The following MANBA variants were observed in gnomAD, a reference collection of about 807,000 sequenced individuals.
MANBA encodes the protein mannosidase beta.
Under a neutral mutation model 111.1 loss-of-function variants are expected in MANBA, and 83 were observed. That is an observed-to-expected ratio of 0.75 (90% CI 0.63 to 0.90). The LOEUF (loss-of-function observed/expected upper bound fraction) is 0.90. Ranked by LOEUF, MANBA falls within the 40% of genes least tolerant of loss-of-function variation. The pLI is 0.00. For synonymous variants in MANBA, 370 were observed against 378.7 expected, an observed-to-expected ratio of 0.98 and a Z score of 0.27; for missense variants, 1,036 against 1,069.0, an observed-to-expected ratio of 0.97 and a Z score of 0.43.
At position 102,635,878 on chromosome 4, in the gene MANBA, G is replaced by A. The variant is rs772444430; in HGVS notation, c.2144C>T (p.Ser715Leu). 1 of 1,612,018 alleles carries A rather than the reference G, an allele frequency of 6.2e-7. No homozygotes were observed. Among genetic ancestry groups the A allele is most frequent in the Non-Finnish European group, 8.5e-7 (1 of 1,178,098 alleles). ...YGVSDLHSDY[S>L]MTLSVRVHTW... ...CAAGTAACTTACACTGAGTGTCATC[G>A]AATAATCCGAGTGAAGATCTGACAC... Residue 715 changes from serine (S) to leucine (L), a missense_variant, in exon 15 of 17, where the codon TCG (serine) becomes TTG (leucine). Physicochemically the swap from Ser to Leu is moderately radical, Grantham distance 145. Coordinates refer to ENST00000647097, the MANE Select transcript of MANBA (RefSeq NM_005908.4).
At chr4:102,728,554 C>CA (rs571370873) in intron 1 of MANBA, 5,076 of 314,690 alleles carry the variant, frequency 0.016, no homozygotes, top group Middle Eastern at 0.032. Flanking sequence ...TATTTTGGAC[C>CA]AAAAAAAAAA....
At position 102,678,439 on chromosome 4, in the gene MANBA, A is replaced by G. The variant is rs140655656; in HGVS notation, c.961-4369T>C. ...TTCAGAGAAAATAATGGGTTCTAAAAGATTTCTTGAAAAGACCCTTGAGTA... is the reference window on the plus strand; with the variant it reads ...TTCAGAGAAAATAATGGGTTCTAAAGGATTTCTTGAAAAGACCCTTGAGTA... On this transcript the variant is annotated intron_variant, in intron 7 of 16. Coordinates refer to ENST00000647097, the MANE Select transcript of MANBA (RefSeq NM_005908.4). Among the ~76,000 whole-genome samples, 825 of 152,310 alleles carry G rather than the reference A, an allele frequency of 5.4e-3. 13 individuals are homozygous for G. Among genetic ancestry groups the G allele is most frequent in the African/African-American group, 0.019 (783 of 41,562 alleles).
intron 9 of MANBA, among the ~76,000 whole-genome samples, chr4:102,670,209 G>A (rs879038697): frequency 6.6e-5 from 10 of 150,828 alleles, no homozygotes; most frequent in Admixed American, 5.3e-4. Flanking sequence ...TGTCTGAGTC[G>A]GAATTTCATT....
At chr4:102,634,449 C>T (rs1729523509) in intron 16 of MANBA, among the ~76,000 whole-genome samples, 1 of 150,648 alleles carries the variant, frequency 6.6e-6, no homozygotes, top group Non-Finnish European at 1.5e-5. Context: ...AAGTCAGAGA[C>T]TATGAGGTGA....
intron 4 of MANBA, 149 bp from the exon 5 acceptor site, chr4:102,714,710 C>A: frequency 1.2e-6 from 1 of 801,568 alleles, no homozygotes; most frequent in African/African-American, 1.7e-5. Flanking sequence ...GTGGTTTAAA[C>A]AATGGAAATG....
chr4:102,703,236 T>G (rs765614511), intron 5 of MANBA, among the ~76,000 whole-genome samples: 3 of 152,186 alleles, frequency 2.0e-5, no homozygotes, highest in Non-Finnish European at 4.4e-5. Context: ...GCTCAAGTAA[T>G]CCTCCTGAAA....
rs1179802895 is a variant in MANBA, at chr4:102,715,685, C to T, written c.550-1124G>A. On this transcript the variant is annotated intron_variant, in intron 4 of 16. Coordinates refer to ENST00000647097, the MANE Select transcript of MANBA (RefSeq NM_005908.4). ...TGGCAGGCCCCAGGGTGTGTTGTTCCCCTCTATGTGTCCATGTGTTCTCAT... is the reference window on the plus strand; with the variant it reads ...TGGCAGGCCCCAGGGTGTGTTGTTCTCCTCTATGTGTCCATGTGTTCTCAT... Among the ~76,000 whole-genome samples, 3 of 152,204 alleles carry T rather than the reference C, an allele frequency of 2.0e-5. No homozygotes were observed. In the South Asian group the frequency reaches 6.2e-4, roughly 32 times the overall value.
intron 9 of MANBA, among the ~76,000 whole-genome samples, chr4:102,669,933 T>C (rs1286776404): frequency 6.6e-6 from 1 of 151,892 alleles, no homozygotes; most frequent in African/African-American, 2.4e-5. Flanking sequence ...TGAGCCAAGA[T>C]TGTGCCACTG....
At chr4:102,651,169 A>G (rs1324997339) in intron 12 of MANBA, among the ~76,000 whole-genome samples, 10 of 152,208 alleles carry the variant, frequency 6.6e-5, no homozygotes, top group Non-Finnish European at 1.5e-4. Context: ...TAGGGATACT[A>G]TGAGAGTAGA....
At chr4:102,717,170 C>T (rs1335730595) in intron 4 of MANBA, among the ~76,000 whole-genome samples, 2 of 152,090 alleles carry the variant, frequency 1.3e-5, no homozygotes, top group Non-Finnish European at 2.9e-5. Context: ...TTATTAAGTG[C>T]CTTCTATGTT....
intron 1 of MANBA, among the ~76,000 whole-genome samples, chr4:102,745,407 G>A (rs553359650): frequency 6.6e-6 from 1 of 152,254 alleles, no homozygotes; most frequent in African/African-American, 2.4e-5. Flanking sequence ...ATACAGAGAA[G>A]AGCAATTACA....
Position 102,665,114 on chromosome 4 carries a change from C to CTTT in MANBA, c.1318-263_1318-262insAAA. 7.6e-6 allele frequency: 3 copies of CTTT among 393,906 alleles called. No individual in the cohort carries two copies. The South Asian group carries it at 8.6e-5, about 11-fold the overall frequency. The allele number at this position is 393,906 out of a possible 1,614,324, so 24.4% of individuals were successfully genotyped here. On this transcript the variant is annotated intron_variant, in intron 10 of 16. Transcript: ENST00000647097. ...TATAAAAACTGAAGATAATATAATC[C>CTTT]CTTTTTTAGAAAGAGAAAGAAAAGG...
chr4:102,721,776 C>T (rs1722584590), intron 4 of MANBA, among the ~76,000 whole-genome samples: 1 of 151,928 alleles, frequency 6.6e-6, no homozygotes, highest in East Asian at 1.9e-4. Context: ...ACCTGTAATC[C>T]CGGCACTTTG....
At chr4:102,734,684 TCCTGTTCCC>T in intron 1 of MANBA, 1 of 1,079,820 alleles carries the variant, frequency 9.3e-7, no homozygotes, top group Non-Finnish European at 1.4e-6. Context: ...GGAATCTATA[TCCTGTTCCC>T]CCTCTCCATC....
Position 102,639,874 on chromosome 4 carries a change from T to G in MANBA, c.1870-17A>C, listed in dbSNP as rs1187383521. The G allele has an allele frequency of 6.2e-7, 1 of 1,613,656 alleles. No individual in the cohort carries two copies. The highest frequency in any genetic ancestry group is 1.7e-5 in the Admixed American group (1 of 59,994). ...CTGCATCACCTGATTCAGGAAAACA[T>G]TCATACACAGGTGTTATTGTTTGAT... On this transcript the variant is annotated splice_polypyrimidine_tract_variant and intron_variant, in intron 13 of 16. Coordinates refer to ENST00000647097, the MANE Select transcript of MANBA (RefSeq NM_005908.4).
At chr4:102,730,214 G>A in intron 1 of MANBA, 1 of 611,270 alleles carries the variant, frequency 1.6e-6, no homozygotes, top group Non-Finnish European at 2.8e-6. Context: ...ACCAGATAGA[G>A]ATCCCAGAAG....
At chr4:102,752,236 G>A in intron 1 of MANBA, 2 of 984,018 alleles carry the variant, frequency 2.0e-6, no homozygotes. Context: ...AGGATGTTGA[G>A]TCTGACAGTC....
chr4:102,696,045 T>G (rs547542163), intron 5 of MANBA, among the ~76,000 whole-genome samples: 1 of 152,096 alleles, frequency 6.6e-6, no homozygotes, highest in African/African-American at 2.4e-5. Flanking sequence ...CTGGGCTACA[T>G]AATGAGACCC....
chr4:102,670,746 T>C (rs2110222934), intron 9 of MANBA, among the ~76,000 whole-genome samples: 1 of 152,234 alleles, frequency 6.6e-6, no homozygotes, highest in Non-Finnish European at 1.5e-5. Flanking sequence ...ATGCCTGTAA[T>C]CCCAGCTGCT....
Sources: allele counts gnomAD v4.1 joint callset (sites outside exome capture counted in the v4.1 genomes callset), GRCh38; gene constraint gnomAD v4.1.1; transcripts MANE v1.5; gene names NCBI Gene and HGNC (gene_info 2026-07-23, HGNC 2026-07-21).